The following KCNMB2 variants were observed in gnomAD, a reference collection of about 807,000 sequenced individuals.
KCNMB2 encodes potassium calcium-activated channel subfamily M regulatory beta subunit 2, also known as calcium-activated potassium channel subunit beta-2.
In KCNMB2, 9 loss-of-function variants were observed where a neutral mutation model predicts 24.5. The ratio of observed to expected loss-of-function variants is 0.37; its 90% CI spans 0.22 to 0.64. KCNMB2 has a LOEUF of 0.64. KCNMB2 is among the 30% of genes least tolerant of loss of function. The pLI, the probability that KCNMB2 is intolerant of heterozygous loss-of-function variation, is 0.63. For missense variants in KCNMB2, 226 were observed against 284.3 expected (o/e 0.79, Z 1.47); for synonymous variants, 109 against 104.4 (o/e 1.04, Z -0.27).
rs942254066 is a variant in KCNMB2, at chr3:178,721,578, G to A, written c.-67-85765G>A. Among the ~76,000 whole-genome samples the A allele has an allele frequency of 1.2e-4, 19 of 152,148 alleles. 1 individual carries two copies. Among genetic ancestry groups the A allele is most frequent in the African/African-American group, 4.3e-4 (18 of 41,508 alleles). ...TGTAACATAAGTTTTTATTTTTCTG[G>A]AATGAAAACCCCAGAGCGCAATTAC... On this transcript the variant is annotated intron_variant, in intron 1 of 4. Coordinates refer to ENST00000452583, the MANE Select transcript of KCNMB2 (RefSeq NM_181361.3).
chr3:178,547,775 C>T (rs938834837), intron 1 of KCNMB2, among the ~76,000 whole-genome samples: 1 of 152,198 alleles, frequency 6.6e-6, no homozygotes, highest in East Asian at 1.9e-4. Context: ...GCCATCTCTC[C>T]AGCTGCAACC....
rs1714802134 is a variant in KCNMB2, at chr3:178,825,613, C to A, written c.82C>A (p.His28Asn). The A allele has an allele frequency of 6.2e-7, 1 of 1,613,500 alleles. No homozygotes were observed. Among genetic ancestry groups the A allele is most frequent in the African/African-American group, 1.3e-5 (1 of 74,992 alleles). Residue 28 changes from histidine (H) to asparagine (N), a missense_variant, in exon 3 of 5, where the codon CAT becomes AAT. By Grantham distance (68) the His-to-Asn change is moderately conservative (BLOSUM62 1). Coordinates refer to ENST00000452583, the MANE Select transcript of KCNMB2 (RefSeq NM_181361.3). ...AAATATTTACCAGAAAATCAGGGAC[C>A]ATGACCTCCTGGACAAAAGGAAAAC... Reference protein sequence around the residue: ...KRNIYQKIRDHDLLDKRKTVT... With the variant: ...KRNIYQKIRDNDLLDKRKTVT...
At chr3:178,691,346 A>C (rs1560168779) in intron 1 of KCNMB2, among the ~76,000 whole-genome samples, 4 of 147,926 alleles carry the variant, frequency 2.7e-5, no homozygotes. Context: ...TTCTTATTTC[A>C]TCACTGAGTT....
intron 1 of KCNMB2, among the ~76,000 whole-genome samples, chr3:178,757,364 A>G (rs12629128): frequency 0.049 from 2,263 of 45,752 alleles, 161 homozygotes; most frequent in African/African-American, 0.1. Context: ...ATATATATAT[A>G]TATATATATC....
chr3:178,813,612 C>T (rs922088513), intron 2 of KCNMB2, among the ~76,000 whole-genome samples: 2 of 152,072 alleles, frequency 1.3e-5, no homozygotes, highest in African/African-American at 4.8e-5. Context: ...TCATGTGTTA[C>T]ACTCTTACTC....
chr3:178,666,127 C>T (rs932813380), intron 1 of KCNMB2, among the ~76,000 whole-genome samples: 3 of 152,066 alleles, frequency 2.0e-5, no homozygotes, highest in African/African-American at 7.2e-5. Flanking sequence ...GAAAAGGTTA[C>T]TTAAAACATG....
chr3:178,537,055 A>G (rs1715433984), intron 1 of KCNMB2, among the ~76,000 whole-genome samples: 1 of 152,066 alleles, frequency 6.6e-6, no homozygotes, highest in Non-Finnish European at 1.5e-5. Context: ...TCGAGTGAAG[A>G]CTTTGGTGGG....
intron 1 of KCNMB2, among the ~76,000 whole-genome samples, chr3:178,719,684 C>T (rs1045036780): frequency 6.6e-6 from 1 of 152,188 alleles, no homozygotes. Context: ...CAAGATTTTT[C>T]AGCTTCTACC....
intron 1 of KCNMB2, among the ~76,000 whole-genome samples, chr3:178,728,552 G>C (rs1723039934): frequency 6.6e-6 from 1 of 151,266 alleles, no homozygotes; most frequent in African/African-American, 2.4e-5. Flanking sequence ...AAAGAGATGA[G>C]ATCAGCTTTG....
chr3:178,757,689 T>TAC (rs1321915287), intron 1 of KCNMB2, among the ~76,000 whole-genome samples: 1 of 64,178 alleles, frequency 1.6e-5, no homozygotes, highest in Non-Finnish European at 3.0e-5. Context: ...AGGATATATA[T>TAC]ATGTATATAT....
At chr3:178,759,504 TATATATCTCTCCAAGAGGATATATATAC>T (rs1560009231) in intron 1 of KCNMB2, among the ~76,000 whole-genome samples, 2 of 122,716 alleles carry the variant, frequency 1.6e-5, no homozygotes, top group South Asian at 5.0e-4. Context: ...AGAGGATATA[TATATATCTCTCCAAGAGGATATATATAC>T]ATATATCTCT....
At chr3:178,816,102 A>G (rs1217339556) in intron 2 of KCNMB2, among the ~76,000 whole-genome samples, 1 of 151,890 alleles carries the variant, frequency 6.6e-6, no homozygotes, top group East Asian at 1.9e-4. Flanking sequence ...GTTTAGCTAT[A>G]AATCATCAGA....
chr3:178,626,064 T>C (rs1719105909), intron 1 of KCNMB2, among the ~76,000 whole-genome samples: 1 of 152,194 alleles, frequency 6.6e-6, no homozygotes, highest in African/African-American at 2.4e-5. Flanking sequence ...TTCAGAATGC[T>C]CTGGTACCTG....
At chr3:178,698,695 C>A (rs1412785159) in intron 1 of KCNMB2, among the ~76,000 whole-genome samples, 3 of 152,238 alleles carry the variant, frequency 2.0e-5, no homozygotes, top group African/African-American at 4.8e-5. Flanking sequence ...AAGCACTCTG[C>A]ATTTTTTAGT....
chr3:178,832,727 C>T lies in KCNMB2; in HGVS notation c.423+4354C>T, dbSNP rs558123573. 1.2e-4 allele frequency among the ~76,000 whole-genome samples: 10 copies of T among 81,172 alleles called. 3 individuals are homozygous for T. The East Asian group carries it at 2.1e-3, about 17-fold the overall frequency. The allele number at this position is 81,172 out of a possible 152,430, so 53.3% of individuals were successfully genotyped here. On this transcript the variant is annotated intron_variant, in intron 4 of 4. Coordinates refer to ENST00000452583, the MANE Select transcript of KCNMB2 (RefSeq NM_181361.3). Reference sequence around the variant, plus strand: ...AACTGTTAAACCCATCCATTGAGTCCTTAATTTCTCTTACTGTATTTTCAA... The same window carrying T: ...AACTGTTAAACCCATCCATTGAGTCTTTAATTTCTCTTACTGTATTTTCAA...
chr3:178,706,795 A>G (rs1722292359), intron 1 of KCNMB2, among the ~76,000 whole-genome samples: 1 of 152,152 alleles, frequency 6.6e-6, no homozygotes, highest in African/African-American at 2.4e-5. Flanking sequence ...GCCTTCAGGA[A>G]AACACCAGAC....
chr3:178,707,696 T>C (rs1348884921), intron 1 of KCNMB2, among the ~76,000 whole-genome samples: 1 of 145,030 alleles, frequency 6.9e-6, no homozygotes. Flanking sequence ...CAGCCAACAG[T>C]GAAAACTGTT....
At chr3:178,556,827 A>G (rs1439869807) in intron 1 of KCNMB2, among the ~76,000 whole-genome samples, 12 of 152,134 alleles carry the variant, frequency 7.9e-5, no homozygotes, top group Non-Finnish European at 1.2e-4. Flanking sequence ...GTCAGGCCCT[A>G]AAGAGAGCCT....
chr3:178,572,458 T>C (rs1238367352), intron 1 of KCNMB2, among the ~76,000 whole-genome samples: 1 of 152,196 alleles, frequency 6.6e-6, no homozygotes, highest in Admixed American at 6.5e-5. Flanking sequence ...ATCAAGAATC[T>C]CCAACATATG....
Sources: allele counts gnomAD v4.1 joint callset (sites outside exome capture counted in the v4.1 genomes callset), GRCh38; gene constraint gnomAD v4.1.1; transcripts MANE v1.5; gene names NCBI Gene and HGNC (gene_info 2026-07-23, HGNC 2026-07-21).